Variants in EPS8L2 observed in about 807,000 individuals in gnomAD.
EPS8L2 encodes epidermal growth factor receptor kinase substrate 8-like protein 2.
A neutral mutation model predicts 99.4 loss-of-function variants in EPS8L2; 81 were observed. The ratio of observed to expected loss-of-function variants is 0.82; its 90% CI spans 0.68 to 0.98. The LOEUF is 0.98. Ranked by LOEUF, EPS8L2 falls within the 50% of genes least tolerant of loss-of-function variation. The probability of loss-of-function intolerance (pLI) is 0.00; values close to 1 mark genes in which losing one functional copy is unlikely to be tolerated. For synonymous variants in EPS8L2, 509 were observed against 407.3 expected, an observed-to-expected ratio of 1.25 and a Z score of -3.01; for missense variants, 1,155 against 968.8, an observed-to-expected ratio of 1.19 and a Z score of -2.55.
chr11:726,845 C>T (rs1257357333), intron 20 of EPS8L2, 56 bp from the exon 21 acceptor site: 46 of 1,590,986 alleles, frequency 2.9e-5, no homozygotes, highest in Non-Finnish European at 3.8e-5. Context: ...AGGGGGAGGC[C>T]GGCACCCAGA....
At chr11:710,282 A>T (rs1167888170) in intron 3 of EPS8L2, 140 bp from the exon 4 acceptor site, 1 of 760,780 alleles carries the variant, frequency 1.3e-6, no homozygotes, top group Non-Finnish European at 2.3e-6. Context: ...TTTCACACCC[A>T]CATCCTTCCT....
Position 725,854 on chromosome 11 carries a change from C to T in EPS8L2, c.1680+7C>T. ...CGGCGCCCCGTTCGAGCAGGTGAGC[C>T]CGCGGGGGTCCCTGGGGTCGCAGCC... is the stretch of plus-strand genomic sequence containing the variant. On this transcript the variant is annotated splice_region_variant and intron_variant, in intron 17 of 20. Transcript: ENST00000318562. 3.6e-6 allele frequency: 5 copies of T among 1,375,580 alleles called. No homozygotes were observed. In the South Asian group the frequency reaches 7.1e-5, roughly 19 times the overall value. 85.2% of individuals were successfully genotyped at this position (1,375,580 alleles called of 1,614,324 possible). A position where few individuals can be genotyped will look rare whatever the true frequency, so the allele number is the denominator to read the frequency against.
At chr11:726,521 A>G in intron 19 of EPS8L2, 37 bp downstream of exon 19, 3 of 1,312,696 alleles carry the variant, frequency 2.3e-6, no homozygotes, top group East Asian at 3.5e-5. Context: ...GGCCCGGGCG[A>G]GGGGTGGGAG....
chr11:724,977 C>T lies in EPS8L2; in HGVS notation c.1560+148C>T, dbSNP rs947367633. On this transcript the variant is annotated intron_variant, in intron 16 of 20. Transcript: ENST00000318562. The surrounding 1 kb of genome is among the most constrained non-coding windows in gnomAD (Gnocchi z 5.5). ...TGCTGGCCCCTTTCTCCAGGGTCCC[C>T]GCCCTTGGACTCTGATCAGGATCCC... The T allele has an allele frequency of 6.2e-6, 4 of 649,190 alleles. No homozygotes were observed. Among genetic ancestry groups the T allele is most frequent in the Admixed American group, 2.4e-5 (1 of 41,462 alleles). 40.2% of individuals were successfully genotyped at this position (649,190 alleles called of 1,614,324 possible). A position where few individuals can be genotyped will look rare whatever the true frequency, so the allele number is the denominator to read the frequency against.
At chr11:726,219 G>C (rs2133541446) in intron 18 of EPS8L2, 49 bp downstream of exon 18, 3 of 1,577,348 alleles carry the variant, frequency 1.9e-6, no homozygotes. Flanking sequence ...GGGCCACCTG[G>C]GGGAGGAAGT....
chr11:719,910 A>G, intron 4 of EPS8L2, 152 bp from the exon 5 acceptor site: 1 of 637,838 alleles, frequency 1.6e-6, no homozygotes, highest in South Asian at 2.0e-5. Flanking sequence ...CAGAATAGAG[A>G]CTCCCCCCAC....
chr11:723,893 G>A (rs1005876482), intron 15 of EPS8L2, among the ~76,000 whole-genome samples: 5 of 152,016 alleles, frequency 3.3e-5, no homozygotes, highest in Admixed American at 3.3e-4. Flanking sequence ...GGAAGCCCCT[G>A]ACCCTCCCAC....
chr11:720,313 TCTGCAGGGCCGGC>T, intron 5 of EPS8L2, 90 bp downstream of exon 5: 1 of 1,398,042 alleles, frequency 7.2e-7, no homozygotes, highest in Non-Finnish European at 9.8e-7. Context: ...GCCGGTCCTC[TCTGCAGGGCCGGC>T]CATGCCCTAT....
At position 726,291 on chromosome 11, in the gene EPS8L2, C is replaced by G. The variant is rs374334327; in HGVS notation, c.1754-13C>G. 4 of 1,595,818 alleles carry G rather than the reference C, an allele frequency of 2.5e-6. No individual in the cohort carries two copies. The highest frequency in any genetic ancestry group is 3.4e-6 in the Non-Finnish European group (4 of 1,171,910). On this transcript the variant is annotated splice_polypyrimidine_tract_variant and intron_variant, in intron 18 of 20. Coordinates refer to ENST00000318562, the MANE Select transcript of EPS8L2 (RefSeq NM_022772.4). Reference sequence around the variant, plus strand: ...GCAAGGCAGCGGCGGGCCTGAGTCGCGCGCCCCCTCAGAGCTCATGCAGCA... The same window carrying G: ...GCAAGGCAGCGGCGGGCCTGAGTCGGGCGCCCCCTCAGAGCTCATGCAGCA...
At chr11:706,970 G>T (rs1861740212) in intron 1 of EPS8L2, among the ~76,000 whole-genome samples, 1 of 152,090 alleles carries the variant, frequency 6.6e-6, no homozygotes, top group Non-Finnish European at 1.5e-5. Flanking sequence ...CAGCTGCCTG[G>T]CGTTGCCCCT....
chr11:714,473 C>T (rs1476418389), intron 4 of EPS8L2, among the ~76,000 whole-genome samples: 4 of 151,816 alleles, frequency 2.6e-5, no homozygotes, highest in Non-Finnish European at 1.5e-5. Flanking sequence ...CCAGGTGATC[C>T]ACCAGCCTTA....
chr11:716,071 C>T (rs1862020141), intron 4 of EPS8L2, among the ~76,000 whole-genome samples: 1 of 148,548 alleles, frequency 6.7e-6, no homozygotes, highest in African/African-American at 2.5e-5. Context: ...CTCCTGGGTT[C>T]AAGCGATTCT....
chr11:726,080 C>T lies in EPS8L2; in HGVS notation c.1681-18C>T, dbSNP rs755291468. Reference sequence around the variant, plus strand: ...GGGGGCGGGGCGTGGGGAGCCTAATCGCCCCCCGCCCCCGCAGGCCGGTCA... The same window carrying T: ...GGGGGCGGGGCGTGGGGAGCCTAATTGCCCCCCGCCCCCGCAGGCCGGTCA... On this transcript the variant is annotated intron_variant, in intron 17 of 20. Coordinates refer to ENST00000318562, the MANE Select transcript of EPS8L2 (RefSeq NM_022772.4). 7.3e-6 allele frequency: 11 copies of T among 1,514,162 alleles called. No homozygotes were observed. The highest frequency in any genetic ancestry group is 4.7e-5 in the South Asian group (4 of 85,092). 93.8% of individuals were successfully genotyped at this position (1,514,162 alleles called of 1,614,324 possible). A position where few individuals can be genotyped will look rare whatever the true frequency, so the allele number is the denominator to read the frequency against.
chr11:724,459 G>A lies in EPS8L2; in HGVS notation c.1455-265G>A, dbSNP rs1862264588. ...ACTGGAGACCCCTGAGGTGGCCTGG[G>A]ATGGGCCAGCCTTGCTGTACCACAG... On this transcript the variant is annotated intron_variant, in intron 15 of 20. Coordinates refer to ENST00000318562, the MANE Select transcript of EPS8L2 (RefSeq NM_022772.4). The surrounding 1 kb of genome is among the most constrained non-coding windows in gnomAD (Gnocchi z 5.5). 1 of 502,052 alleles carries A rather than the reference G, an allele frequency of 2.0e-6. No homozygotes were observed. The highest frequency in any genetic ancestry group is 2.1e-5 in the South Asian group (1 of 46,588). 31.1% of individuals were successfully genotyped at this position (502,052 alleles called of 1,614,324 possible). A position where few individuals can be genotyped will look rare whatever the true frequency, so the allele number is the denominator to read the frequency against.
At position 721,604 on chromosome 11, in the gene EPS8L2, G is replaced by C. The variant is rs1862175742; in HGVS notation, c.808G>C (p.Val270Leu). Residue 270 changes from valine (V) to leucine (L), a missense_variant, in exon 10 of 21, where the codon GTG becomes CTG. Transcript: ENST00000318562. ...NCALDDIEWF[V>L]ARLQKAAEAF... ...CGCCCTGGACGACATCGAGTGGTTT[G>C]TGGCCCGGCTGCAGAAGGCAGCCGA... is the stretch of plus-strand genomic sequence containing the variant. 6.4e-7 allele frequency: 1 copy of C among 1,573,216 alleles called. No individual in the cohort carries two copies. The highest frequency in any genetic ancestry group is 1.4e-5 in the African/African-American group (1 of 72,408).
chr11:721,208 T>G lies in EPS8L2; in HGVS notation c.700+2T>G. On this transcript the variant is annotated splice_donor_variant, in intron 8 of 20. Transcript: ENST00000318562. LOFTEE classifies it high-confidence loss of function. ...CGCAGGTGCCACTCAGCGAGCCAGG[T>G]GGGCCGAGGGGCTGGAGGGGGCTCC... 6.5e-7 allele frequency: 1 copy of G among 1,530,642 alleles called. No individual in the cohort carries two copies. The highest frequency in any genetic ancestry group is 8.8e-7 in the Non-Finnish European group (1 of 1,141,060). 94.8% of individuals were successfully genotyped at this position (1,530,642 alleles called of 1,614,324 possible).
rs771571388 is a variant in EPS8L2 at position 722,382 on chromosome 11, G to C, written c.1060-19G>C. The C allele has an allele frequency of 6.2e-7, 1 of 1,611,350 alleles. No homozygotes were observed. Among genetic ancestry groups the C allele is most frequent in the African/African-American group, 1.3e-5 (1 of 74,892 alleles). On this transcript the variant is annotated intron_variant, in intron 12 of 20. Transcript: ENST00000318562. ...GGGTCTGTGGGCCTCAGTCCCCTCT[G>C]AACCTCACTGTGCCCCAGATCGTCA...
chr11:714,430 C>G (rs1024686902), intron 4 of EPS8L2, among the ~76,000 whole-genome samples: 16 of 151,572 alleles, frequency 1.1e-4, no homozygotes, highest in African/African-American at 3.9e-4. Context: ...GGGGTTTCAC[C>G]ATGTTGGCAA....
At chr11:708,255 C>A (rs1212696863) in intron 1 of EPS8L2, among the ~76,000 whole-genome samples, 2 of 152,214 alleles carry the variant, frequency 1.3e-5, no homozygotes, top group Non-Finnish European at 2.9e-5. Context: ...GCCAGGTCCC[C>A]ACAGGGCATA....
Sources: allele counts gnomAD v4.1 joint callset (sites outside exome capture counted in the v4.1 genomes callset), GRCh38; gene constraint gnomAD v4.1.1; non-coding constraint Gnocchi (gnomAD v3.1); transcripts MANE v1.5; gene names NCBI Gene and HGNC (gene_info 2026-07-23, HGNC 2026-07-21).